Variants in DST observed in about 807,000 individuals in gnomAD.
DST encodes the protein bullous pemphigoid antigen.
DST carries 253 observed loss-of-function variants against 875.2 expected under a neutral mutation model. That is an observed-to-expected ratio of 0.29 (90% confidence interval 0.26 to 0.32). The LOEUF is 0.32. Among genes scored for constraint, DST ranks in the 10% least tolerant of loss-of-function variants. The pLI is 1.00. For missense variants in DST, 8,287 were observed against 9,111.6 expected (o/e 0.91, Z 3.68); for synonymous variants, 3,124 against 3,197.1 (o/e 0.98, Z 0.77).
At position 56,606,137 on chromosome 6, in the gene DST, C is replaced by T. The variant is rs539082090; in HGVS notation, c.8491G>A (p.Val2831Met). 21 of 1,612,034 alleles carry T rather than the reference C, an allele frequency of 1.3e-5. 1 individual carries two copies. The highest frequency in any genetic ancestry group is 3.3e-4 in the Middle Eastern group (2 of 6,056). ...DENGKPRCQN[V>M]AEDMDIQLCA... ...AACTGGATATCCATATCTTCAGCCACATTTTGGCACCTGGGCTTTCCATTC... is the reference window on the plus strand; with the variant it reads ...AACTGGATATCCATATCTTCAGCCATATTTTGGCACCTGGGCTTTCCATTC... The change falls in exon 40 of 104, where the codon GTG becomes ATG. Residue 2831 changes from valine to methionine, a missense_variant. Val to Met is a conservative substitution (Grantham distance 21). This residue lies in a region of DST where 3,138 missense variants were observed against 3,116.6 expected (regional missense o/e 1.01). Coordinates refer to ENST00000680361, the MANE Select transcript of DST (RefSeq NM_001374736.1).
chr6:56,754,379 T>A (rs2099596501), intron 4 of DST, among the ~76,000 whole-genome samples: 1 of 152,252 alleles, frequency 6.6e-6, no homozygotes, highest in Admixed American at 6.5e-5. Context: ...TCTGTGTGAC[T>A]GATTCTTTCT....
At chr6:56,816,791 G>A (rs1051911039) in intron 4 of DST, among the ~76,000 whole-genome samples, 1 of 151,586 alleles carries the variant, frequency 6.6e-6, no homozygotes, top group Non-Finnish European at 1.5e-5. Flanking sequence ...CTAAGTAGAA[G>A]GAGAAAGCTA....
At chr6:56,645,285 G>A (rs2098935771) in intron 15 of DST, among the ~76,000 whole-genome samples, 1 of 152,164 alleles carries the variant, frequency 6.6e-6, no homozygotes, top group African/African-American at 2.4e-5. Flanking sequence ...AGCATTTCCT[G>A]AAGACTAAAT....
At chr6:56,517,105 G>A in intron 71 of DST, 93 bp downstream of exon 71, 1 of 885,306 alleles carries the variant, frequency 1.1e-6, no homozygotes, top group Non-Finnish European at 1.9e-6. Flanking sequence ...AATGGCAGCT[G>A]TGGATAACGG....
intron 2 of DST, among the ~76,000 whole-genome samples, chr6:56,907,236 G>C (rs1332478636): frequency 6.6e-6 from 1 of 152,070 alleles, no homozygotes; most frequent in Admixed American, 6.5e-5. Context: ...CCACAATCTA[G>C]TTGTATTAAA....
intron 4 of DST, among the ~76,000 whole-genome samples, chr6:56,780,516 A>AATTT (rs1261862559): frequency 6.6e-6 from 1 of 151,914 alleles, no homozygotes; most frequent in African/African-American, 2.4e-5. Context: ...TGGCTGCATA[A>AATTT]ATGTCTTCTT....
At chr6:56,585,323 G>A (rs1028478443) in intron 49 of DST, among the ~76,000 whole-genome samples, 53 of 152,182 alleles carry the variant, frequency 3.5e-4, no homozygotes, top group African/African-American at 1.2e-3. Context: ...TTAGTCTTGG[G>A]AGAGTGTATG....
At position 56,557,518 on chromosome 6, in the gene DST, T is replaced by A. The variant is rs1207713253; in HGVS notation, c.14441A>T (p.Asp4814Val). 6.2e-7 allele frequency: 1 copy of A among 1,602,816 alleles called. No individual in the cohort carries two copies. The highest frequency in any genetic ancestry group is 1.7e-5 in the Admixed American group (1 of 57,696). ...PRWKQMLTEIDSKWQELNQLT... is the reference protein window; with the variant it reads ...PRWKQMLTEIVSKWQELNQLT... ...TTGATTGAGTTCTTGCCACTTAGAA[T>A]CTAAAAGAAAAAAAATGAAACTGGT... Residue 4814 changes from aspartate to valine, a missense_variant and splice_region_variant, in exon 59 of 104, where the codon GAT becomes GTT. By Grantham distance (152) the Asp-to-Val change is radical (BLOSUM62 -3). Coordinates refer to ENST00000680361, the MANE Select transcript of DST (RefSeq NM_001374736.1).
At position 56,624,591 on chromosome 6, in the gene DST, G is replaced by C. The variant is rs2098717173; in HGVS notation, c.4868C>G (p.Thr1623Ser). ...DLRTRYTALV[T>S]LMTQYIKFAG... ...AAATTTAATATATTGTGTCATGAGA[G>C]TGACCAGGGCAGTATATCGAGTCCT... Residue 1623 changes from threonine to serine, a missense_variant, in exon 36 of 104, where the codon ACT (threonine) becomes AGT (serine). Transcript: ENST00000680361. 3.7e-6 allele frequency: 6 copies of C among 1,613,380 alleles called. No homozygotes were observed. The highest frequency in any genetic ancestry group is 5.1e-6 in the Non-Finnish European group (6 of 1,179,642).
chr6:56,943,710 G>T (rs1257610029), intron 2 of DST, among the ~76,000 whole-genome samples: 1 of 151,736 alleles, frequency 6.6e-6, no homozygotes, highest in African/African-American at 2.4e-5. Context: ...TGGGATTACA[G>T]GCATGAGCCA....
intron 5 of DST, among the ~76,000 whole-genome samples, chr6:56,720,978 G>A (rs971293198): frequency 6.6e-5 from 10 of 151,672 alleles, no homozygotes; most frequent in East Asian, 5.8e-4. Context: ...GGGCAGAGGC[G>A]CCCCCCGCCA....
At chr6:56,521,461 C>T (rs1168771427) in intron 69 of DST, among the ~76,000 whole-genome samples, 1 of 138,302 alleles carries the variant, frequency 7.2e-6, no homozygotes, top group Non-Finnish European at 1.6e-5. Flanking sequence ...ATTAGTTTAA[C>T]ACTATGTCTT....
At chr6:56,952,486 C>A (rs576893390) in intron 2 of DST, among the ~76,000 whole-genome samples, 1 of 152,076 alleles carries the variant, frequency 6.6e-6, no homozygotes, top group Non-Finnish European at 1.5e-5. Context: ...TGTTGCTTTA[C>A]GATAGTCCCG....
intron 2 of DST, among the ~76,000 whole-genome samples, chr6:56,919,300 A>G (rs1018416299): frequency 6.6e-6 from 1 of 151,998 alleles, no homozygotes; most frequent in African/African-American, 2.4e-5. Flanking sequence ...TATACCTTCT[A>G]TTTTTTTAAA....
intron 5 of DST, among the ~76,000 whole-genome samples, chr6:56,713,855 T>C (rs918712969): frequency 1.3e-5 from 2 of 152,254 alleles, no homozygotes; most frequent in African/African-American, 4.8e-5. Context: ...TACTTTCAGA[T>C]ACTTTATATG....
intron 5 of DST, among the ~76,000 whole-genome samples, chr6:56,726,485 T>C (rs1168261707): frequency 6.6e-6 from 1 of 152,196 alleles, no homozygotes; most frequent in Non-Finnish European, 1.5e-5. Context: ...GGCAAATTAA[T>C]TAATCTCACC....
At chr6:56,903,397 A>G (rs1336604977) in intron 2 of DST, among the ~76,000 whole-genome samples, 1 of 152,224 alleles carries the variant, frequency 6.6e-6, no homozygotes, top group Non-Finnish European at 1.5e-5. Context: ...ACATCCCTGT[A>G]TCTACCCTAG....
chr6:56,459,469 T>C lies in DST; in HGVS notation c.23195-202A>G, dbSNP rs142108560. Among the ~76,000 whole-genome samples the C allele has an allele frequency of 0.025, 3,808 of 152,296 alleles. 71 individuals are homozygous for C. Among genetic ancestry groups the C allele is most frequent in the Non-Finnish European group, 0.042 (2,874 of 68,016 alleles). On this transcript the variant is annotated intron_variant, in intron 103 of 103. Coordinates refer to ENST00000680361, the MANE Select transcript of DST (RefSeq NM_001374736.1). ...TAAGTAGACATAATATAGAAAAGGC[T>C]AGATTTCCAACTACAAGGTAAGTTT...
intron 6 of DST, 149 bp downstream of exon 6, chr6:56,704,131 A>T: frequency 4.4e-6 from 2 of 451,686 alleles, no homozygotes. Flanking sequence ...AATGCTTAGG[A>T]ATCTAACCAA....
Sources: allele counts gnomAD v4.1 joint callset (sites outside exome capture counted in the v4.1 genomes callset), GRCh38; gene constraint gnomAD v4.1.1; regional missense constraint gnomAD v4.1.1; transcripts MANE v1.5; gene names NCBI Gene and HGNC (gene_info 2026-07-23, HGNC 2026-07-21).